FSTL5: variants seen among roughly 807,000 people sequenced by gnomAD.
FSTL5 encodes the protein follistatin-related protein 5.
FSTL5 carries 62 observed loss-of-function variants against 89.1 expected under a neutral mutation model. The observed-to-expected ratio is 0.70, with a 90% CI of 0.57 to 0.86. The LOEUF is 0.86. Among genes scored for constraint, FSTL5 ranks in the 40% least tolerant of loss-of-function variants. FSTL5 has a pLI of 0.00. For missense variants in FSTL5, 1,057 were observed against 1,001.6 expected (o/e 1.06, Z -0.75); for synonymous variants, 383 against 346.2 (o/e 1.11, Z -1.18).
intron 7 of FSTL5, among the ~76,000 whole-genome samples, chr4:161,625,837 G>A (rs184165028): frequency 4.6e-4 from 70 of 152,160 alleles, no homozygotes; most frequent in Middle Eastern, 3.4e-3. Context: ...ATAACAAAGC[G>A]AAACAGGTTT....
At chr4:161,844,868 A>G (rs909676232) in intron 4 of FSTL5, among the ~76,000 whole-genome samples, 5 of 152,020 alleles carry the variant, frequency 3.3e-5, no homozygotes. Flanking sequence ...CAACCATGGC[A>G]TTTGTACACC....
At chr4:161,519,164 T>C (rs191652760) in intron 10 of FSTL5, among the ~76,000 whole-genome samples, 11 of 152,324 alleles carry the variant, frequency 7.2e-5, no homozygotes, top group Admixed American at 5.9e-4. Context: ...AGACATTTAC[T>C]GTTTCAACGT....
Position 162,078,939 on chromosome 4 carries a change from C to G in FSTL5, c.126+32332G>C, listed in dbSNP as rs139410869. ...CTCAGGACAAATTTCAGGAGAGAAA[C>G]TTGGGCATGCTCTACTGCAGAAAAC... On this transcript the variant is annotated intron_variant, in intron 2 of 15. Transcript: ENST00000306100. Among the ~76,000 whole-genome samples the G allele has an allele frequency of 4.5e-3, 688 of 151,690 alleles. 5 individuals are homozygous for G. Among genetic ancestry groups the G allele is most frequent in the African/African-American group, 0.016 (645 of 41,462 alleles).
rs1730589371 is a variant in FSTL5 at position 161,385,540 on chromosome 4, A to T, written c.*207T>A. 4.1e-6 allele frequency: 2 copies of T among 485,068 alleles called. No individual in the cohort carries two copies. The highest frequency in any genetic ancestry group is 7.2e-6 in the Non-Finnish European group (2 of 277,538). The allele number at this position is 485,068 out of a possible 1,614,324, so 30.0% of individuals were successfully genotyped here. A position where few individuals can be genotyped will look rare whatever the true frequency, so the allele number is the denominator to read the frequency against. On this transcript the variant is annotated 3_prime_UTR_variant, in exon 16 of 16. Transcript: ENST00000306100. Reference sequence around the variant, plus strand: ...TGACTGATGTGATTTCTCATTAAATATTGTGCTGAGTATTTCTAATTAACC... The same window carrying T: ...TGACTGATGTGATTTCTCATTAAATTTTGTGCTGAGTATTTCTAATTAACC...
intron 7 of FSTL5, among the ~76,000 whole-genome samples, chr4:161,643,615 A>G (rs1262757439): frequency 6.6e-6 from 1 of 152,196 alleles, no homozygotes; most frequent in Non-Finnish European, 1.5e-5. Flanking sequence ...AGATTAAACA[A>G]CGATCATGTA....
intron 4 of FSTL5, among the ~76,000 whole-genome samples, chr4:161,875,646 G>A (rs1393972210): frequency 1.3e-5 from 2 of 152,110 alleles, no homozygotes; most frequent in African/African-American, 4.8e-5. Flanking sequence ...CCCTGCTTTC[G>A]TTCCTCTGTT....
intron 1 of FSTL5, among the ~76,000 whole-genome samples, chr4:162,140,303 G>C (rs1411490211): frequency 6.6e-6 from 1 of 152,004 alleles, no homozygotes; most frequent in Non-Finnish European, 1.5e-5. Context: ...TGTGTTCAAG[G>C]AAATATATGC....
chr4:161,484,364 C>T (rs1253491258), intron 12 of FSTL5, among the ~76,000 whole-genome samples: 1 of 152,140 alleles, frequency 6.6e-6, no homozygotes, highest in Non-Finnish European at 1.5e-5. Context: ...TCCTCTCATC[C>T]TTCTATCTAA....
In FSTL5 at chr4:162,016,872, C is replaced by A. The variant is rs1226853529; in HGVS notation, c.160+16753G>T. ...AGAGTTAAAGCTATTTTTTTCTGACCCATTTCAGCATCTTTTGGAGACAGA... is the reference window on the plus strand; with the variant it reads ...AGAGTTAAAGCTATTTTTTTCTGACACATTTCAGCATCTTTTGGAGACAGA... On this transcript the variant is annotated intron_variant, in intron 3 of 15. Coordinates refer to ENST00000306100, the MANE Select transcript of FSTL5 (RefSeq NM_020116.5). Among the ~76,000 whole-genome samples, 3 of 150,200 alleles carry A rather than the reference C, an allele frequency of 2.0e-5. No individual in the cohort carries two copies. The South Asian group carries it at 6.3e-4, about 32-fold the overall frequency.
At chr4:161,524,698 G>A (rs1353745690) in intron 10 of FSTL5, among the ~76,000 whole-genome samples, 1 of 152,016 alleles carries the variant, frequency 6.6e-6, no homozygotes, top group Admixed American at 6.6e-5. Flanking sequence ...GGTGGCTCAC[G>A]CCTGTGATCC....
chr4:161,753,220 A>C (rs942329761), intron 6 of FSTL5, among the ~76,000 whole-genome samples: 1 of 152,172 alleles, frequency 6.6e-6, no homozygotes, highest in African/African-American at 2.4e-5. Context: ...TTCTCCAAAC[A>C]GAAGTTTGTG....
At chr4:161,813,267 G>C (rs535082866) in intron 4 of FSTL5, among the ~76,000 whole-genome samples, 1 of 152,150 alleles carries the variant, frequency 6.6e-6, no homozygotes, top group African/African-American at 2.4e-5. Context: ...CTGACCTCGT[G>C]ATCTGCCCGC....
intron 4 of FSTL5, among the ~76,000 whole-genome samples, chr4:161,800,937 T>G (rs1322242529): frequency 6.6e-6 from 1 of 151,572 alleles, no homozygotes; most frequent in Non-Finnish European, 1.5e-5. Flanking sequence ...AAGTTTATCG[T>G]AGTCTATGTG....
chr4:161,928,993 G>A (rs1246359373), intron 3 of FSTL5, among the ~76,000 whole-genome samples: 1 of 151,678 alleles, frequency 6.6e-6, no homozygotes, highest in African/African-American at 2.4e-5. Flanking sequence ...GTCCTCCATA[G>A]AGATCATCTA....
At chr4:161,840,380 T>C (rs1289556692) in intron 4 of FSTL5, among the ~76,000 whole-genome samples, 1 of 152,212 alleles carries the variant, frequency 6.6e-6, no homozygotes, top group Non-Finnish European at 1.5e-5. Context: ...TTGGATTCAA[T>C]GCTTTATCTA....
chr4:162,025,470 G>A (rs1737244077), intron 3 of FSTL5, among the ~76,000 whole-genome samples: 2 of 151,946 alleles, frequency 1.3e-5, no homozygotes. Context: ...TCTTAAGTGG[G>A]GGATAAATAA....
At chr4:162,049,382 C>G (rs750935326) in intron 2 of FSTL5, among the ~76,000 whole-genome samples, 4 of 152,194 alleles carry the variant, frequency 2.6e-5, no homozygotes, top group Non-Finnish European at 4.4e-5. Context: ...CTGGAGTGAA[C>G]TGACTGATTA....
intron 10 of FSTL5, among the ~76,000 whole-genome samples, chr4:161,525,393 T>C (rs1295595902): frequency 6.6e-6 from 1 of 152,162 alleles, no homozygotes; most frequent in Non-Finnish European, 1.5e-5. Context: ...TATGTAAATG[T>C]CTCTTTTCTA....
chr4:161,829,241 A>C (rs1376789331), intron 4 of FSTL5, among the ~76,000 whole-genome samples: 1 of 149,792 alleles, frequency 6.7e-6, no homozygotes, highest in Non-Finnish European at 1.5e-5. Context: ...ATTTAAATAT[A>C]TGATCTGGTA....
Sources: allele counts gnomAD v4.1 joint callset (sites outside exome capture counted in the v4.1 genomes callset), GRCh38; gene constraint gnomAD v4.1.1; transcripts MANE v1.5; gene names NCBI Gene and HGNC (gene_info 2026-07-23, HGNC 2026-07-21).